C16orf89: variants seen among roughly 807,000 people sequenced by gnomAD.
C16orf89 encodes chromosome 16 open reading frame 89.
C16orf89 carries 57 observed loss-of-function variants against 41.5 expected under a neutral mutation model. The ratio of observed to expected loss-of-function variants is 1.38; its 90% CI spans 1.11 to 1.71. The LOEUF is 1.71. Among genes scored for constraint, C16orf89 ranks in the 40% most tolerant of loss-of-function variants. The probability of loss-of-function intolerance (pLI) is 0.00; values close to 1 mark genes in which losing one functional copy is unlikely to be tolerated. For missense variants in C16orf89, 575 were observed against 445.9 expected (o/e 1.29, Z -2.61); for synonymous variants, 223 against 190.6 (o/e 1.17, Z -1.40).
At chr16:5,055,051 C>A (rs1956465111) in intron 6 of C16orf89, among the ~76,000 whole-genome samples, 195 bp downstream of exon 6, 1 of 152,218 alleles carries the variant, frequency 6.6e-6, no homozygotes, top group Non-Finnish European at 1.5e-5. Context: ...GGCCTCCTGT[C>A]TTGCCACATT....
chr16:5,047,810 C>T (rs957154721), intron 7 of C16orf89, 68 bp downstream of exon 7: 15 of 908,064 alleles, frequency 1.7e-5, no homozygotes, highest in Non-Finnish European at 2.2e-5. Context: ...AGAGAATAAA[C>T]ACAGGCCTCT....
intron 6 of C16orf89, among the ~76,000 whole-genome samples, 162 bp downstream of exon 6, chr16:5,055,084 C>T (rs561355660): frequency 2.0e-5 from 3 of 152,286 alleles, no homozygotes; most frequent in East Asian, 1.9e-4. Context: ...GCTCCGAGCC[C>T]GTTTCTCCTT....
At chr16:5,062,906 G>A (rs931893942) in intron 1 of C16orf89, among the ~76,000 whole-genome samples, 1 of 152,184 alleles carries the variant, frequency 6.6e-6, no homozygotes, top group Non-Finnish European at 1.5e-5. Context: ...CCAGAGAAAG[G>A]TTGCAGGGTA....
chr16:5,060,175 G>C lies in C16orf89; in HGVS notation c.509+111C>G. 4.5e-6 allele frequency: 6 copies of C among 1,341,142 alleles called. 1 individual carries two copies. The South Asian group carries it at 6.0e-5, about 13-fold the overall frequency. 83.1% of individuals were successfully genotyped at this position (1,341,142 alleles called of 1,614,324 possible). On this transcript the variant is annotated intron_variant, in intron 3 of 7. Transcript: ENST00000472572. ...GCTACAGGGAGCTGCACCTGTGTCT[G>C]CACAAACCCCTGGCTTCAGCCCTAG...
Position 5,056,110 on chromosome 16 carries a change from G to T in C16orf89, c.706C>A (p.Arg236Ser). Residue 236 changes from arginine (R) to serine (S), a missense_variant, in exon 5 of 8, where the codon CGC becomes AGC. Coordinates refer to ENST00000472572, the MANE Select transcript of C16orf89 (RefSeq NM_001098514.3). ...GCGTATCCGATGGCCTCAGCTCTGC[G>T]GTTCAAGTCCATCATGTTGGCGCAG... ...LFCANMMDLN[R>S]RAEAIGYAYP... 1 of 1,599,750 alleles carries T rather than the reference G, an allele frequency of 6.3e-7. No homozygotes were observed.
Position 5,047,867 on chromosome 16 carries a change from A to G in C16orf89, c.955+11T>C, listed in dbSNP as rs753611117. On this transcript the variant is annotated intron_variant, in intron 7 of 7. Transcript: ENST00000472572. Reference sequence around the variant, plus strand: ...TTCATGTCAAGAAACTCCCTTGGGTATTTTCATTACCTGGAAATTGTTTTT... The same window carrying G: ...TTCATGTCAAGAAACTCCCTTGGGTGTTTTCATTACCTGGAAATTGTTTTT... The G allele has an allele frequency of 6.7e-7, 1 of 1,488,780 alleles. No homozygotes were observed. The highest frequency in any genetic ancestry group is 1.4e-5 in the African/African-American group (1 of 72,636). 92.2% of individuals were successfully genotyped at this position (1,488,780 alleles called of 1,614,324 possible). A position where few individuals can be genotyped will look rare whatever the true frequency, so the allele number is the denominator to read the frequency against.
intron 6 of C16orf89, among the ~76,000 whole-genome samples, chr16:5,053,302 G>A (rs1317582882): frequency 1.3e-5 from 2 of 151,916 alleles, no homozygotes; most frequent in Non-Finnish European, 2.9e-5. Context: ...CCTGGGAGGC[G>A]GAGGTTGCAT....
At chr16:5,044,569 G>T in intron 7 of C16orf89, 91 bp from the exon 8 acceptor site, 1 of 1,559,822 alleles carries the variant, frequency 6.4e-7, no homozygotes, top group Non-Finnish European at 8.7e-7. Flanking sequence ...TCAGCCAGAC[G>T]CGGTGGCTCA....
chr16:5,063,645 G>C (rs541951755), intron 1 of C16orf89, among the ~76,000 whole-genome samples: 1 of 152,180 alleles, frequency 6.6e-6, no homozygotes, highest in Non-Finnish European at 1.5e-5. Flanking sequence ...TGTGAACCCT[G>C]TTGTGAATTG....
chr16:5,044,660 G>C (rs947914213), intron 7 of C16orf89, 182 bp from the exon 8 acceptor site: 1 of 1,229,118 alleles, frequency 8.1e-7, no homozygotes, highest in African/African-American at 1.5e-5. Context: ...TGAGCAACAT[G>C]ATGAAACCCT....
At chr16:5,050,376 A>C (rs1399893711) in intron 6 of C16orf89, among the ~76,000 whole-genome samples, 1 of 152,110 alleles carries the variant, frequency 6.6e-6, no homozygotes, top group Non-Finnish European at 1.5e-5. Flanking sequence ...TCCAAAAAAA[A>C]AAAGAAAACC....
chr16:5,062,819 C>T (rs759929081), intron 1 of C16orf89, among the ~76,000 whole-genome samples: 4 of 151,994 alleles, frequency 2.6e-5, no homozygotes, highest in Admixed American at 6.6e-5. Flanking sequence ...TTTCTGGAGG[C>T]GGGCCTGGGT....
chr16:5,059,300 A>T (rs1032231873), intron 3 of C16orf89, among the ~76,000 whole-genome samples: 2 of 151,294 alleles, frequency 1.3e-5, no homozygotes, highest in Non-Finnish European at 2.9e-5. Context: ...TAAAAAATAC[A>T]CACACAAATA....
At chr16:5,054,992 A>C (rs1306833783) in intron 6 of C16orf89, among the ~76,000 whole-genome samples, 7 of 152,348 alleles carry the variant, frequency 4.6e-5, no homozygotes, top group Middle Eastern at 3.4e-3. Context: ...AGTACAATAC[A>C]AATGGGCTTG....
Position 5,046,289 on chromosome 16 carries a change from C to G in C16orf89, c.955+1589G>C, listed in dbSNP as rs191532793. 3.9e-5 allele frequency among the ~76,000 whole-genome samples: 6 copies of G among 152,226 alleles called. No homozygotes were observed. The East Asian group carries it at 1.2e-3, about 29-fold the overall frequency. On this transcript the variant is annotated intron_variant, in intron 7 of 7. Coordinates refer to ENST00000472572, the MANE Select transcript of C16orf89 (RefSeq NM_001098514.3). ...GTTGGACATCCACTCTGTGAGCTGG[C>G]TATTCCATATCCCTTCCTGTTTTTG...
intron 6 of C16orf89, among the ~76,000 whole-genome samples, chr16:5,052,972 A>G (rs1956425163): frequency 6.6e-6 from 1 of 152,248 alleles, no homozygotes; most frequent in Non-Finnish European, 1.5e-5. Flanking sequence ...TTTCATTCAT[A>G]GCAACATCGA....
chr16:5,053,572 G>C (rs1247136718), intron 6 of C16orf89, among the ~76,000 whole-genome samples: 2 of 149,536 alleles, frequency 1.3e-5, no homozygotes, highest in African/African-American at 4.9e-5. Flanking sequence ...ACAGTGTCTC[G>C]CTTTGTCACC....
intron 4 of C16orf89, among the ~76,000 whole-genome samples, chr16:5,057,479 G>A (rs1374806553): frequency 6.9e-6 from 1 of 144,712 alleles, no homozygotes; most frequent in Non-Finnish European, 1.5e-5. Flanking sequence ...TGGTGTGTGT[G>A]TATATATATA....
intron 7 of C16orf89, 61 bp from the exon 8 acceptor site, chr16:5,044,539 A>G: frequency 6.2e-7 from 1 of 1,602,916 alleles, no homozygotes. Flanking sequence ...TATTCAACAC[A>G]GTCTCATTGA....
Sources: gnomAD v4.1 joint callset for allele counts (sites outside exome capture counted in the v4.1 genomes callset) on GRCh38, gnomAD v4.1.1 for gene constraint, MANE v1.5 for transcripts, NCBI Gene and HGNC (gene_info 2026-07-23, HGNC 2026-07-21) for gene names.